ZNF286A: variants seen among roughly 807,000 people sequenced by gnomAD.
ZNF286A encodes zinc finger protein 286A, also known as zinc finger protein ZNF286.
ZNF286A carries 34 observed loss-of-function variants against 49.3 expected under a neutral mutation model. The ratio of observed to expected loss-of-function variants is 0.69; its 90% confidence interval spans 0.52 to 0.92. The LOEUF (loss-of-function observed/expected upper bound fraction) is 0.92, where lower values mean the gene tolerates loss of function less well. Among genes scored for constraint, ZNF286A ranks in the 40% least tolerant of loss-of-function variants. The probability of loss-of-function intolerance (pLI) is 0.00; values close to 1 mark genes in which losing one functional copy is unlikely to be tolerated. For synonymous variants in ZNF286A, 155 were observed against 200.4 expected, an observed-to-expected ratio of 0.77 and a Z score of 1.91; for missense variants, 462 against 600.2, an observed-to-expected ratio of 0.77 and a Z score of 2.41.
In ZNF286A at chr17:15,704,952, G is replaced by A. The variant is rs1240674225; in HGVS notation, c.127-1435G>A. On this transcript the variant is annotated intron_variant, in intron 3 of 5. Coordinates refer to ENST00000583566, the MANE Select transcript of ZNF286A (RefSeq NM_001130842.2). ...CCCCGGCCCCCTTCCTGCGTTCTTC[G>A]GTCCGCCGGCCGGGGCGGGGGCCCA... The A allele has an allele frequency of 3.4e-6, 5 of 1,474,760 alleles. No individual in the cohort carries two copies. In the South Asian group the frequency reaches 3.9e-5, roughly 12 times the overall value. 91.4% of individuals were successfully genotyped at this position (1,474,760 alleles called of 1,614,324 possible). A position where few individuals can be genotyped will look rare whatever the true frequency, so the allele number is the denominator to read the frequency against.
intron 4 of ZNF286A, 114 bp from the exon 5 acceptor site, chr17:15,708,041 G>T (rs1990369296): frequency 7.2e-6 from 4 of 553,052 alleles, no homozygotes; most frequent in Non-Finnish European, 1.1e-5. Context: ...AAGAAAGAAA[G>T]TTGGAATTCA....
chr17:15,709,778 G>C (rs758124676), intron 5 of ZNF286A: 181 of 1,536,742 alleles, frequency 1.2e-4, no homozygotes, highest in Non-Finnish European at 1.4e-4. Context: ...TAAGTCCACT[G>C]TATGAATAAA....
chr17:15,712,441 C>T (rs1281820902), intron 5 of ZNF286A, among the ~76,000 whole-genome samples: 1 of 152,210 alleles, frequency 6.6e-6, no homozygotes, highest in Non-Finnish European at 1.5e-5. Flanking sequence ...GTCAAAGATA[C>T]TTCAATACAA....
At chr17:15,710,385 G>A (rs544279979) in intron 5 of ZNF286A, among the ~76,000 whole-genome samples, 12 of 152,162 alleles carry the variant, frequency 7.9e-5, no homozygotes, top group African/African-American at 2.9e-4. Context: ...TTGTTTTACA[G>A]GTATTTATTT....
At chr17:15,707,107 T>C (rs1275891439) in intron 4 of ZNF286A, among the ~76,000 whole-genome samples, 1 of 152,110 alleles carries the variant, frequency 6.6e-6, no homozygotes, top group East Asian at 1.9e-4. Flanking sequence ...AGGGGACTGT[T>C]AGCCCCTCCC....
At chr17:15,709,072 G>A (rs1007391355) in intron 5 of ZNF286A, among the ~76,000 whole-genome samples, 20 of 151,988 alleles carry the variant, frequency 1.3e-4, no homozygotes, top group East Asian at 3.8e-4. Flanking sequence ...GAGTATGTGC[G>A]TTCTAGTTGT....
In ZNF286A at chr17:15,716,648, A is replaced by G; in HGVS notation, c.924A>G (p.Thr308=). The G allele has an allele frequency of 5.6e-6, 9 of 1,614,142 alleles. No homozygotes were observed. The highest frequency in any genetic ancestry group is 7.6e-6 in the Non-Finnish European group (9 of 1,179,996). ...FECSECKKTF[T]ESSSLATHQR... ...GCAGTGAATGCAAGAAAACCTTCAC[A>G]GAAAGCTCATCCCTTGCAACACATC... Residue 308 remains threonine (T), a synonymous_variant, in exon 6 of 6, where the codon ACA becomes ACG. Coordinates refer to ENST00000583566, the MANE Select transcript of ZNF286A (RefSeq NM_001130842.2).
chr17:15,710,728 C>A (rs954385798), intron 5 of ZNF286A, among the ~76,000 whole-genome samples: 1 of 152,124 alleles, frequency 6.6e-6, no homozygotes, highest in Non-Finnish European at 1.5e-5. Flanking sequence ...ATCTGTTTCA[C>A]CCCAGAGACC....
intron 5 of ZNF286A, 59 bp downstream of exon 5, chr17:15,708,306 A>G (rs2151465186): frequency 7.2e-7 from 1 of 1,390,698 alleles, no homozygotes; most frequent in Non-Finnish European, 9.7e-7. Flanking sequence ...ATGAAGAAAT[A>G]CTTTTCAGTG....
intron 5 of ZNF286A, 142 bp downstream of exon 5, chr17:15,708,389 A>C (rs1268489908): frequency 2.0e-6 from 1 of 510,564 alleles, no homozygotes; most frequent in Admixed American, 4.1e-5. Flanking sequence ...TATATACAGA[A>C]GTCCAGAAAA....
At chr17:15,713,839 A>G (rs1966890956) in intron 5 of ZNF286A, among the ~76,000 whole-genome samples, 1 of 151,440 alleles carries the variant, frequency 6.6e-6, no homozygotes, top group South Asian at 2.1e-4. Flanking sequence ...TGAAAGCTCA[A>G]ATTTTATAAA....
At chr17:15,707,868 A>G (rs2151464125) in intron 4 of ZNF286A, among the ~76,000 whole-genome samples, 1 of 152,188 alleles carries the variant, frequency 6.6e-6, no homozygotes, top group South Asian at 2.1e-4. Flanking sequence ...GTGGCCATGA[A>G]AGTTGGTCGT....
At chr17:15,704,309 T>G in intron 3 of ZNF286A, 1 of 1,610,546 alleles carries the variant, frequency 6.2e-7, no homozygotes, top group Non-Finnish European at 8.5e-7. Flanking sequence ...CCAGCATGCT[T>G]CTTGGCCATG....
At chr17:15,708,829 C>G (rs1439751790) in intron 5 of ZNF286A, among the ~76,000 whole-genome samples, 4 of 151,742 alleles carry the variant, frequency 2.6e-5, no homozygotes, top group African/African-American at 4.8e-5. Context: ...GTTAATATAC[C>G]CAGTTTATTC....
intron 3 of ZNF286A, among the ~76,000 whole-genome samples, chr17:15,703,430 G>A (rs992008394): frequency 4.6e-5 from 7 of 151,712 alleles, no homozygotes; most frequent in African/African-American, 1.7e-4. Flanking sequence ...ATTTGCCTGG[G>A]CTATTTTTTA....
intron 5 of ZNF286A, among the ~76,000 whole-genome samples, chr17:15,709,275 A>C (rs924325852): frequency 6.9e-6 from 1 of 145,200 alleles, no homozygotes; most frequent in African/African-American, 2.6e-5. Context: ...GGATCACCTG[A>C]GGTCAGAAAT....
At chr17:15,711,913 C>T (rs1198794217) in intron 5 of ZNF286A, among the ~76,000 whole-genome samples, 1 of 125,576 alleles carries the variant, frequency 8.0e-6, no homozygotes, top group African/African-American at 3.0e-5. Context: ...GCTCTATTGC[C>T]CAGGCTGGAG....
chr17:15,708,289 C>A, intron 5 of ZNF286A, 42 bp downstream of exon 5: 1 of 1,489,234 alleles, frequency 6.7e-7, no homozygotes, highest in South Asian at 1.3e-5. Context: ...GATAGCCCAG[C>A]AGGACAATGA....
Position 15,716,422 on chromosome 17 carries a change from A to C in ZNF286A, c.698A>C (p.Lys233Thr). The change falls in exon 6 of 6, where the codon AAG (lysine) becomes ACG (threonine). Residue 233 changes from lysine to threonine, a missense_variant. Lys to Thr is a moderately conservative substitution (Grantham distance 78). Transcript: ENST00000583566. ...SLKQKSNLMKKQRTYKEKKPH... is the reference protein window; with the variant it reads ...SLKQKSNLMKTQRTYKEKKPH... ...AAACAAAAATCAAACTTAATGAAAAAGCAGAGAACTTATAAAGAGAAAAAA... is the reference window on the plus strand; with the variant it reads ...AAACAAAAATCAAACTTAATGAAAACGCAGAGAACTTATAAAGAGAAAAAA... 1.9e-6 allele frequency: 3 copies of C among 1,613,328 alleles called. No individual in the cohort carries two copies. The highest frequency in any genetic ancestry group is 2.5e-6 in the Non-Finnish European group (3 of 1,179,768).
Sources: gnomAD v4.1 joint callset for allele counts (sites outside exome capture counted in the v4.1 genomes callset) on GRCh38, gnomAD v4.1.1 for gene constraint, MANE v1.5 for transcripts, NCBI Gene and HGNC (gene_info 2026-07-23, HGNC 2026-07-21) for gene names.